Variants in RALGAPB observed in about 807,000 individuals in gnomAD.
RALGAPB encodes ral GTPase-activating protein subunit beta.
A neutral mutation model predicts 161.1 loss-of-function variants in RALGAPB; 25 were observed. That is an observed-to-expected ratio of 0.16 (90% CI 0.11 to 0.22). The LOEUF (loss-of-function observed/expected upper bound fraction) is 0.22, where lower values mean the gene tolerates loss of function less well. Ranked by LOEUF, RALGAPB falls within the 10% of genes least tolerant of loss-of-function variation. The pLI is 1.00. For missense variants in RALGAPB, 1,391 were observed against 1,815.2 expected (o/e 0.77, Z 4.25); for synonymous variants, 629 against 626.1 (o/e 1.00, Z -0.07).
intron 17 of RALGAPB, 91 bp downstream of exon 17, chr20:38,540,049 A>G: frequency 9.0e-7 from 1 of 1,113,846 alleles, no homozygotes; most frequent in Non-Finnish European, 1.3e-6. Flanking sequence ...ATTTAAATAC[A>G]GTATTGCACA....
At position 38,535,254 on chromosome 20, in the gene RALGAPB, G is replaced by A. The variant is rs200047147; in HGVS notation, c.2379+47G>A. ...TTTTAACCCAACAGCCTTGGGCCTT[G>A]GCTGTTTTTTCTGTATCTCTTAACC... On this transcript the variant is annotated intron_variant, in intron 16 of 29. Coordinates refer to ENST00000262879, the MANE Select transcript of RALGAPB (RefSeq NM_020336.4). The A allele has an allele frequency of 1.9e-6, 3 of 1,599,042 alleles. No homozygotes were observed. In the African/African-American group the frequency reaches 4.0e-5, roughly 22 times the overall value.
chr20:38,483,199 A>G (rs1018863665), intron 1 of RALGAPB, among the ~76,000 whole-genome samples: 4 of 152,196 alleles, frequency 2.6e-5, no homozygotes, highest in Admixed American at 2.0e-4. Context: ...TTATTCTATT[A>G]TTATCCCCAT....
At chr20:38,500,848 T>C (rs913889997) in intron 5 of RALGAPB, among the ~76,000 whole-genome samples, 1 of 152,190 alleles carries the variant, frequency 6.6e-6, no homozygotes, top group Non-Finnish European at 1.5e-5. Context: ...TTGAGTGGGC[T>C]AGATAGGAGA....
At position 38,574,782 on chromosome 20, in the gene RALGAPB, G is replaced by C; in HGVS notation, c.4300G>C (p.Val1434Leu). 6.2e-7 allele frequency: 1 copy of C among 1,613,550 alleles called. No homozygotes were observed. The highest frequency in any genetic ancestry group is 8.5e-7 in the Non-Finnish European group (1 of 1,179,530). ...IVSRRALGFLVRQTVINICRR... is the reference protein window; with the variant it reads ...IVSRRALGFLLRQTVINICRR... Reference sequence around the variant, plus strand: ...AACTCTCTATTTTCAAGGCTTTCTGGTGAGGCAGACTGTAATTAACATTTG... The same window carrying C: ...AACTCTCTATTTTCAAGGCTTTCTGCTGAGGCAGACTGTAATTAACATTTG... Residue 1434 changes from valine to leucine, a missense_variant, in exon 30 of 30, where the codon GTG becomes CTG. Val to Leu is a conservative substitution (Grantham distance 32). Transcript: ENST00000262879.
intron 28 of RALGAPB, 54 bp from the exon 29 acceptor site, chr20:38,574,096 G>A (rs2088341897): frequency 7.2e-6 from 11 of 1,520,790 alleles, no homozygotes; most frequent in Non-Finnish European, 9.8e-6. Flanking sequence ...ACTCTTGGGT[G>A]TCTCGGGGAC....
chr20:38,525,566 A>G (rs770168889), intron 12 of RALGAPB, 48 bp downstream of exon 12: 1 of 1,349,802 alleles, frequency 7.4e-7, no homozygotes, highest in Non-Finnish European at 1.0e-6. Context: ...TGTTTTTTGT[A>G]CTAATTTAAG....
intron 1 of RALGAPB, among the ~76,000 whole-genome samples, chr20:38,485,367 C>A (rs1434564401): frequency 6.6e-6 from 1 of 152,194 alleles, no homozygotes; most frequent in Non-Finnish European, 1.5e-5. Flanking sequence ...TATTAAAAAT[C>A]ATTGCCCTAA....
chr20:38,525,524 GTTTTGTTAAAGT>G lies in RALGAPB; in HGVS notation c.1902+11_1902+22del. ...TTGGCACAGTCAAATCTGAGGTAATGTTTTGTTAAAGTTTTTTTATATCCTATATTCTGTTTT... is the reference window on the plus strand; with the variant it reads ...TTGGCACAGTCAAATCTGAGGTAATGTTTTTTATATCCTATATTCTGTTTT... On this transcript the variant is annotated splice_region_variant and intron_variant, in intron 12 of 29. Transcript: ENST00000262879. The G allele has an allele frequency of 6.3e-7, 1 of 1,577,258 alleles. No homozygotes were observed. The highest frequency in any genetic ancestry group is 8.7e-7 in the Non-Finnish European group (1 of 1,150,034).
intron 23 of RALGAPB, among the ~76,000 whole-genome samples, chr20:38,562,089 T>G (rs973994335): frequency 6.6e-6 from 1 of 152,234 alleles, no homozygotes; most frequent in Non-Finnish European, 1.5e-5. Context: ...GTTTATTGAA[T>G]TTTAGTAGAT....
chr20:38,476,379 A>G (rs534289351), intron 1 of RALGAPB, among the ~76,000 whole-genome samples: 7 of 152,310 alleles, frequency 4.6e-5, no homozygotes, highest in African/African-American at 1.2e-4. Flanking sequence ...GTTTCATTCT[A>G]ACTTTTTATA....
chr20:38,542,968 A>T (rs1439000102), intron 18 of RALGAPB, among the ~76,000 whole-genome samples: 3 of 152,226 alleles, frequency 2.0e-5, no homozygotes, highest in Non-Finnish European at 4.4e-5. Flanking sequence ...ACTCTTCATT[A>T]TACAAAAATA....
chr20:38,571,460 T>A (rs1387173386), intron 28 of RALGAPB, among the ~76,000 whole-genome samples: 1 of 152,180 alleles, frequency 6.6e-6, no homozygotes, highest in Non-Finnish European at 1.5e-5. Flanking sequence ...ATAAGTAATA[T>A]CATGTGGAAT....
At chr20:38,494,421 A>G (rs2085359827) in intron 3 of RALGAPB, among the ~76,000 whole-genome samples, 1 of 152,234 alleles carries the variant, frequency 6.6e-6, no homozygotes, top group Non-Finnish European at 1.5e-5. Flanking sequence ...ACCTGAGGTC[A>G]GGAGTTCCAG....
intron 2 of RALGAPB, among the ~76,000 whole-genome samples, chr20:38,489,948 C>CT (rs920122882): frequency 2.0e-5 from 3 of 151,554 alleles, no homozygotes; most frequent in Non-Finnish European, 4.4e-5. Context: ...TGATGCAGCC[C>CT]TTTTTTTTCT....
chr20:38,501,683 G>C lies in RALGAPB; in HGVS notation c.740+2050G>C, dbSNP rs532390969. On this transcript the variant is annotated intron_variant, in intron 5 of 29. Coordinates refer to ENST00000262879, the MANE Select transcript of RALGAPB (RefSeq NM_020336.4). ...GCCTCCCAAAGTGCTTGGATTACAG[G>C]CATGAGCCACTGTGCCCAGCGTGAC... Among the ~76,000 whole-genome samples, 5 of 152,192 alleles carry C rather than the reference G, an allele frequency of 3.3e-5. No individual in the cohort carries two copies. In the South Asian group the frequency reaches 1.0e-3, roughly 32 times the overall value.
intron 2 of RALGAPB, among the ~76,000 whole-genome samples, chr20:38,490,631 C>T (rs901866399): frequency 4.6e-5 from 7 of 151,578 alleles, no homozygotes; most frequent in Admixed American, 2.0e-4. Flanking sequence ...CTCAGCCACC[C>T]GAGTAGCTGG....
chr20:38,525,613 T>C, intron 12 of RALGAPB, 95 bp downstream of exon 12: 1 of 998,968 alleles, frequency 1.0e-6, no homozygotes, highest in Non-Finnish European at 1.5e-6. Context: ...GGAGCTTTTT[T>C]TATTTTTCAA....
In RALGAPB at chr20:38,517,625, G is replaced by A. The variant is rs773391731; in HGVS notation, c.1171G>A (p.Val391Met). ...TAACCGGAGGCACCGGGCTGTTACT[G>A]TGAATAAGGCCACCATGAAGACAAG... The part of the protein sequence containing the change: ...PHNRRHRAVT[V>M]NKATMKTSTV... The change falls in exon 8 of 30, where the codon GTG becomes ATG. Residue 391 changes from valine (V) to methionine (M), a missense_variant. Physicochemically the swap from Val to Met is conservative, Grantham distance 21. Around this residue, in one of 3 missense-constraint regions of RALGAPB, gnomAD observed 946 missense variants for 1,257.2 expected, o/e 0.75. Transcript: ENST00000262879. 1.2e-6 allele frequency: 2 copies of A among 1,614,022 alleles called. No homozygotes were observed. Among genetic ancestry groups the A allele is most frequent in the South Asian group, 1.1e-5 (1 of 91,066 alleles).
rs547203404 is a variant in RALGAPB at position 38,500,814 on chromosome 20, G to T, written c.740+1181G>T. Among the ~76,000 whole-genome samples the T allele has an allele frequency of 8.2e-4, 125 of 152,232 alleles. 1 individual carries two copies. The highest frequency in any genetic ancestry group is 2.9e-3 in the African/African-American group (119 of 41,526). The stretch of plus-strand genomic sequence containing the variant: ...CAGGAATGATAAGAAAGCAAAACAG[G>T]CTTATTTATGATATGGAGAAAGTTT... On this transcript the variant is annotated intron_variant, in intron 5 of 29. Coordinates refer to ENST00000262879, the MANE Select transcript of RALGAPB (RefSeq NM_020336.4).
Sources: allele counts gnomAD v4.1 joint callset (sites outside exome capture counted in the v4.1 genomes callset), GRCh38; gene constraint gnomAD v4.1.1; regional missense constraint gnomAD v4.1.1; transcripts MANE v1.5; gene names NCBI Gene and HGNC (gene_info 2026-07-23, HGNC 2026-07-21).